The following ZNF469 variants were observed in gnomAD, a reference collection of about 807,000 sequenced individuals.
ZNF469 encodes zinc finger protein 469.
ZNF469 carries 1 observed loss-of-function variant against 1.0 expected under a neutral mutation model. The ratio of observed to expected loss-of-function variants is 1.00; its 90% CI spans 0.35 to 4.73. The LOEUF is 4.73. ZNF469 is among the 30% of genes most tolerant of loss of function. The pLI, the probability that ZNF469 is intolerant of heterozygous loss-of-function variation, is 0.16. For missense variants in ZNF469, 6,100 were observed against 5,356.3 expected (o/e 1.14, Z -4.33); for synonymous variants, 2,703 against 2,363.4 (o/e 1.14, Z -4.17).
At chr16:88,145,404 G>T in the ZNF469 span, among the ~76,000 whole-genome samples, 8 of 152,198 alleles carry the variant, frequency 5.3e-5, no homozygotes, top group African/African-American at 1.9e-4. Flanking sequence ...GCAAATCCCA[G>T]ATGCCTTTCT....
intron 1 of ZNF469, among the ~76,000 whole-genome samples, chr16:88,413,938 C>G (rs535862133): frequency 6.6e-6 from 1 of 152,314 alleles, no homozygotes; most frequent in East Asian, 1.9e-4. Context: ...GACAGTGACC[C>G]TGAGCCTCCA....
Position 88,432,248 on chromosome 16 carries a change from CGGT to C in ZNF469, c.4781_4783del (p.Val1594del). ...CCGAGAGAGCTTGCAGAAGCTGAGT[CGGT>C]GGGCAGGGTGGAGCTCGGCACAGGC... On this transcript the variant is annotated inframe_deletion, in exon 3 of 3. Transcript: ENST00000565624. 6.5e-7 allele frequency: 1 copy of C among 1,548,672 alleles called. No homozygotes were observed. Among genetic ancestry groups the C allele is most frequent in the Non-Finnish European group, 8.7e-7 (1 of 1,146,984 alleles).
At chr16:88,369,078 C>CA in the ZNF469 span, among the ~76,000 whole-genome samples, 19,092 of 135,502 alleles carry the variant, frequency 0.14, 2,008 homozygotes, top group African/African-American at 0.3. Context: ...GATTCTGTCT[C>CA]AAAAAAAAAA....
the ZNF469 span, among the ~76,000 whole-genome samples, chr16:88,132,276 G>C: frequency 6.6e-6 from 1 of 152,236 alleles, no homozygotes; most frequent in African/African-American, 2.4e-5. Context: ...CCAGTCACTC[G>C]GTGCTCGGGG....
chr16:88,294,203 G>C, the ZNF469 span, among the ~76,000 whole-genome samples: 1 of 152,206 alleles, frequency 6.6e-6, no homozygotes, highest in East Asian at 1.9e-4. Context: ...AGCTGAAACT[G>C]TCTTTAGACC....
chr16:88,137,621 A>C, the ZNF469 span, among the ~76,000 whole-genome samples: 1 of 152,018 alleles, frequency 6.6e-6, no homozygotes, highest in African/African-American at 2.4e-5. Flanking sequence ...CGTGCATACC[A>C]CCACGGTGTG....
At chr16:88,239,520 G>A in the ZNF469 span, among the ~76,000 whole-genome samples, 296 of 146,744 alleles carry the variant, frequency 2.0e-3, no homozygotes, top group African/African-American at 6.9e-3. Flanking sequence ...ACGGAGTCTC[G>A]CTCTGTCACC....
At chr16:88,298,063 C>T in the ZNF469 span, among the ~76,000 whole-genome samples, 1 of 152,232 alleles carries the variant, frequency 6.6e-6, no homozygotes, top group African/African-American at 2.4e-5. Context: ...TTCATCTTTT[C>T]AGTTTATGAA....
chr16:88,327,487 C>T, the ZNF469 span, among the ~76,000 whole-genome samples: 1 of 152,330 alleles, frequency 6.6e-6, no homozygotes, highest in South Asian at 2.1e-4. Flanking sequence ...GAAATGTTCT[C>T]ATCTGCGGTT....
chr16:88,353,669 G>A, the ZNF469 span, among the ~76,000 whole-genome samples: 1 of 152,230 alleles, frequency 6.6e-6, no homozygotes, highest in African/African-American at 2.4e-5. Flanking sequence ...CAGTCCACAC[G>A]AATCCTCAGA....
At chr16:88,186,868 G>A in the ZNF469 span, among the ~76,000 whole-genome samples, 2 of 152,094 alleles carry the variant, frequency 1.3e-5, no homozygotes, top group African/African-American at 4.8e-5. Context: ...TGTGACTCAC[G>A]GGGCCTGAGC....
At chr16:88,185,030 C>G in the ZNF469 span, among the ~76,000 whole-genome samples, 1 of 151,520 alleles carries the variant, frequency 6.6e-6, no homozygotes, top group South Asian at 2.1e-4. Flanking sequence ...CACACTCATA[C>G]AGGCACATAC....
intron 1 of ZNF469, among the ~76,000 whole-genome samples, chr16:88,399,374 G>A (rs1904790165): frequency 6.6e-6 from 1 of 152,202 alleles, no homozygotes; most frequent in Non-Finnish European, 1.5e-5. Flanking sequence ...GCAGAGACTG[G>A]GACCACATTC....
chr16:88,368,487 G>C, the ZNF469 span, among the ~76,000 whole-genome samples: 1 of 152,204 alleles, frequency 6.6e-6, no homozygotes, highest in African/African-American at 2.4e-5. Flanking sequence ...AGCAGAGCTT[G>C]GTCATTGGCT....
the ZNF469 span, among the ~76,000 whole-genome samples, chr16:88,213,751 C>T: frequency 4.6e-5 from 7 of 152,174 alleles, no homozygotes; most frequent in Admixed American, 4.6e-4. Flanking sequence ...CCCAGTATTT[C>T]CACACTTACT....
At chr16:88,315,898 C>A in the ZNF469 span, among the ~76,000 whole-genome samples, 27 of 152,306 alleles carry the variant, frequency 1.8e-4, no homozygotes, top group Admixed American at 1.6e-3. Context: ...CACAGGGCCT[C>A]GCCCGCCCAG....
chr16:88,130,698 C>G, the ZNF469 span, among the ~76,000 whole-genome samples: 993 of 105,854 alleles, frequency 9.4e-3, 12 homozygotes, highest in African/African-American at 0.035. Flanking sequence ...AAGAGTGAAA[C>G]TCTGTGTCAA....
chr16:88,250,153 C>G, the ZNF469 span, among the ~76,000 whole-genome samples: 3 of 152,214 alleles, frequency 2.0e-5, no homozygotes, highest in Non-Finnish European at 4.4e-5. Context: ...CCAATCAGAT[C>G]AGGAAACGGA....
At chr16:88,262,996 G>C in the ZNF469 span, among the ~76,000 whole-genome samples, 1 of 152,252 alleles carries the variant, frequency 6.6e-6, no homozygotes, top group Non-Finnish European at 1.5e-5. This position sits in a 1 kb window ranked among gnomAD's most constrained non-coding sequence, Gnocchi z 4.3. Flanking sequence ...GCTGGGGATC[G>C]TTCGCAGAAA....
Sources: gnomAD v4.1 joint callset for allele counts (sites outside exome capture counted in the v4.1 genomes callset) on GRCh38, gnomAD v4.1.1 for gene constraint, Gnocchi (gnomAD v3.1) non-coding constraint, MANE v1.5 for transcripts, NCBI Gene and HGNC (gene_info 2026-07-23, HGNC 2026-07-21) for gene names.